Variants in DENND2A observed in about 807,000 individuals in gnomAD.
The protein encoded by DENND2A is DENN domain containing 2A.
Under a neutral mutation model 105.3 loss-of-function variants are expected in DENND2A, and 53 were observed. That is an observed-to-expected ratio of 0.50 (90% CI 0.40 to 0.63). The LOEUF (loss-of-function observed/expected upper bound fraction) is 0.63. Ranked by LOEUF, DENND2A falls within the 30% of genes least tolerant of loss-of-function variation. The pLI is 0.00. For missense variants in DENND2A, 1,138 were observed against 1,279.6 expected, an observed-to-expected ratio of 0.89 and a Z score of 1.69; for synonymous variants, 522 against 508.4, an observed-to-expected ratio of 1.03 and a Z score of -0.36.
At chr7:140,633,403 C>T (rs897610669) in intron 1 of DENND2A, among the ~76,000 whole-genome samples, 3 of 152,178 alleles carry the variant, frequency 2.0e-5, no homozygotes, top group Non-Finnish European at 2.9e-5. Context: ...GATCTACCCG[C>T]CTTGGCCGCC....
chr7:140,573,300 T>C (rs1293158410), intron 6 of DENND2A, among the ~76,000 whole-genome samples: 2 of 152,130 alleles, frequency 1.3e-5, no homozygotes, highest in African/African-American at 4.8e-5. Context: ...ACTGCAGCAC[T>C]GAAATTGAGC....
chr7:140,592,413 G>T (rs952852229), intron 3 of DENND2A, among the ~76,000 whole-genome samples: 1 of 151,472 alleles, frequency 6.6e-6, no homozygotes, highest in East Asian at 2.0e-4. Flanking sequence ...GGGTTTCACC[G>T]TGTTAGCCAG....
At chr7:140,549,359 G>C (rs1645339038) in intron 12 of DENND2A, among the ~76,000 whole-genome samples, 2 of 152,004 alleles carry the variant, frequency 1.3e-5, no homozygotes, top group Non-Finnish European at 2.9e-5. Context: ...CTCCTAGCAA[G>C]CAATTCTCAT....
At chr7:140,533,702 C>T (rs186562225) in intron 14 of DENND2A, among the ~76,000 whole-genome samples, 1 of 152,246 alleles carries the variant, frequency 6.6e-6, no homozygotes, top group Admixed American at 6.5e-5. Context: ...CAGCTGGCCG[C>T]GTGGGAGGAG....
At chr7:140,624,705 C>CTT (rs374600500) in intron 1 of DENND2A, among the ~76,000 whole-genome samples, 5 of 148,728 alleles carry the variant, frequency 3.4e-5, no homozygotes, top group African/African-American at 1.2e-4. Context: ...ATTTCTTTTC[C>CTT]TTTTTTTTTT....
chr7:140,609,754 T>G (rs185534612), intron 1 of DENND2A: 5 of 152,310 alleles, frequency 3.3e-5, no homozygotes, highest in African/African-American at 7.2e-5. Context: ...CTTGCTGAAG[T>G]GAATACTGTA....
At chr7:140,597,753 G>A (rs1234717066) in intron 3 of DENND2A, among the ~76,000 whole-genome samples, 1 of 152,210 alleles carries the variant, frequency 6.6e-6, no homozygotes, top group African/African-American at 2.4e-5. Flanking sequence ...CTGTCCCTGG[G>A]GGTGTGGGAC....
intron 3 of DENND2A, among the ~76,000 whole-genome samples, chr7:140,588,783 T>TTTTA (rs1798891983): frequency 6.7e-6 from 1 of 148,514 alleles, no homozygotes; most frequent in African/African-American, 2.5e-5. Flanking sequence ...TTTTTTTTTT[T>TTTTA]GAGACCTGGA....
intron 1 of DENND2A, among the ~76,000 whole-genome samples, chr7:140,617,158 T>G (rs1329730588): frequency 6.6e-6 from 1 of 152,218 alleles, no homozygotes; most frequent in Non-Finnish European, 1.5e-5. Context: ...GTGCACAGCC[T>G]GTAAGGCAGT....
intron 3 of DENND2A, 127 bp downstream of exon 3, chr7:140,601,276 A>G: frequency 7.7e-7 from 1 of 1,291,102 alleles, no homozygotes; most frequent in Non-Finnish European, 1.1e-6. Context: ...GCTATGAACC[A>G]TCTGGACTAC....
chr7:140,554,269 G>A (rs887956203), intron 12 of DENND2A, among the ~76,000 whole-genome samples: 1 of 152,016 alleles, frequency 6.6e-6, no homozygotes, highest in Non-Finnish European at 1.5e-5. Flanking sequence ...AACATTCATG[G>A]ACCGTAGGTG....
At chr7:140,541,536 C>T (rs79124773) in intron 14 of DENND2A, among the ~76,000 whole-genome samples, 1 of 152,084 alleles carries the variant, frequency 6.6e-6, no homozygotes, top group Non-Finnish European at 1.5e-5. Flanking sequence ...CCACCTCTAG[C>T]GGATGGAGGG....
In DENND2A at chr7:140,558,468, G is replaced by A. The variant is rs376694002; in HGVS notation, c.1890-256C>T. 3.9e-5 allele frequency among the ~76,000 whole-genome samples: 6 copies of A among 152,278 alleles called. No individual in the cohort carries two copies. In the East Asian group the frequency reaches 7.8e-4, roughly 20 times the overall value. The stretch of plus-strand genomic sequence containing the variant: ...CCCAGCCCTTTGGGAGGCTGAGGCA[G>A]GTGGATCACTTGAGGTCAGGAGTTC... On this transcript the variant is annotated intron_variant, in intron 10 of 19. Coordinates refer to ENST00000496613, the MANE Select transcript of DENND2A (RefSeq NM_015689.5).
At chr7:140,574,041 G>T in intron 5 of DENND2A, 33 bp from the exon 6 acceptor site, 1 of 1,611,634 alleles carries the variant, frequency 6.2e-7, no homozygotes, top group Non-Finnish European at 8.5e-7. Flanking sequence ...AAGAGTAAAT[G>T]AATTCAAAGG....
intron 8 of DENND2A, among the ~76,000 whole-genome samples, chr7:140,567,926 C>T (rs1214064201): frequency 2.0e-5 from 3 of 152,122 alleles, no homozygotes; most frequent in African/African-American, 4.8e-5. Flanking sequence ...CCTGTCACCT[C>T]GTTCAGCAAT....
At chr7:140,622,495 T>G (rs1316675013) in intron 1 of DENND2A, among the ~76,000 whole-genome samples, 1 of 152,138 alleles carries the variant, frequency 6.6e-6, no homozygotes, top group East Asian at 1.9e-4. Context: ...TTCACCAAGT[T>G]TTCACAGCCC....
At position 140,634,700 on chromosome 7, in the gene DENND2A, CTCTCTACTAAAAAA is replaced by C. The variant is rs1437458337; in HGVS notation, c.-248+5790_-248+5803del. Among the ~76,000 whole-genome samples the C allele has an allele frequency of 4.0e-5, 6 of 151,662 alleles. No individual in the cohort carries two copies. The South Asian group carries it at 1.3e-3, about 32-fold the overall frequency. ...AGCCTGGCCAACATGGTGAAACCCC[CTCTCTACTAAAAAA>C]TACAAAAACTAGCCAGGTGAGGTGG... On this transcript the variant is annotated intron_variant, in intron 1 of 19. Coordinates refer to ENST00000496613, the MANE Select transcript of DENND2A (RefSeq NM_015689.5).
intron 2 of DENND2A, among the ~76,000 whole-genome samples, chr7:140,603,694 A>G (rs73736638): frequency 0.011 from 1,633 of 152,334 alleles, 26 homozygotes; most frequent in African/African-American, 0.037. Flanking sequence ...GCAGATTCAG[A>G]TTTCACACTT....
chr7:140,543,285 ATTTTT>A (rs36113743), intron 14 of DENND2A, among the ~76,000 whole-genome samples: 2 of 128,332 alleles, frequency 1.6e-5, no homozygotes, highest in Non-Finnish European at 3.3e-5. Flanking sequence ...TACCTGGCTA[ATTTTT>A]TTTTTTTTTT....
Sources: gnomAD v4.1 joint callset for allele counts (sites outside exome capture counted in the v4.1 genomes callset) on GRCh38, gnomAD v4.1.1 for gene constraint, MANE v1.5 for transcripts, NCBI Gene and HGNC (gene_info 2026-07-23, HGNC 2026-07-21) for gene names.